CDYL: variants seen among roughly 807,000 people sequenced by gnomAD.
CDYL encodes chromodomain Y like, also known as chromodomain Y-like protein.
In CDYL, 8 loss-of-function variants were observed where a neutral mutation model predicts 47.3. The ratio of observed to expected loss-of-function variants is 0.17; its 90% CI spans 0.10 to 0.31. The LOEUF is 0.31. Ranked by LOEUF, CDYL falls within the 10% of genes least tolerant of loss-of-function variation. The pLI is 1.00. For synonymous variants in CDYL, 266 were observed against 265.0 expected, an observed-to-expected ratio of 1.00 and a Z score of -0.04; for missense variants, 471 against 701.4, an observed-to-expected ratio of 0.67 and a Z score of 3.71.
chr6:4,864,690 C>T (rs546549053), intron 1 of CDYL, among the ~76,000 whole-genome samples: 1 of 152,238 alleles, frequency 6.6e-6, no homozygotes, highest in African/African-American at 2.4e-5. Flanking sequence ...TGGGTTTCTG[C>T]TTTTGCTGCT....
intron 2 of CDYL, among the ~76,000 whole-genome samples, chr6:4,907,580 G>T (rs1757279106): frequency 6.6e-6 from 1 of 152,030 alleles, no homozygotes; most frequent in African/African-American, 2.4e-5. Context: ...ATGGGGTTTT[G>T]CCCAGGCTAG....
intron 1 of CDYL, chr6:4,715,657 TG>T: frequency 7.6e-7 from 1 of 1,324,136 alleles, no homozygotes; most frequent in Non-Finnish European, 1.0e-6. Flanking sequence ...AATGTAGAAC[TG>T]GTGAAAGTCA....
intron 3 of CDYL, among the ~76,000 whole-genome samples, chr6:4,769,179 G>A (rs1229539629): frequency 2.6e-5 from 4 of 152,156 alleles, no homozygotes; most frequent in African/African-American, 9.7e-5. Context: ...AATAAAGCGT[G>A]TATTTTAGTT....
At chr6:4,831,884 A>G (rs373202646) in intron 1 of CDYL, among the ~76,000 whole-genome samples, 92 of 151,934 alleles carry the variant, frequency 6.1e-4, no homozygotes, top group Non-Finnish European at 5.7e-4. Context: ...TTTGTCTGTT[A>G]TTGGTGTATA....
At chr6:4,768,482 C>T (rs1758289171) in intron 3 of CDYL, among the ~76,000 whole-genome samples, 1 of 151,928 alleles carries the variant, frequency 6.6e-6, no homozygotes, top group Non-Finnish European at 1.5e-5. Context: ...TGAAAGAGCT[C>T]CCGGTGGCCA....
intron 1 of CDYL, among the ~76,000 whole-genome samples, chr6:4,873,758 T>C (rs1200797676): frequency 6.6e-6 from 1 of 152,224 alleles, no homozygotes; most frequent in East Asian, 1.9e-4. Context: ...AAATGAAGTT[T>C]AGCATTCCTG....
intron 1 of CDYL, among the ~76,000 whole-genome samples, chr6:4,840,434 A>G (rs763501609): frequency 2.0e-5 from 3 of 152,072 alleles, no homozygotes; most frequent in Non-Finnish European, 2.9e-5. Flanking sequence ...TATGACTTGC[A>G]GTATGTTGAA....
chr6:4,842,038 TTATATATATTATATTAA>T (rs1473470606), intron 1 of CDYL, among the ~76,000 whole-genome samples: 3 of 144,900 alleles, frequency 2.1e-5, no homozygotes, highest in African/African-American at 5.0e-5. Context: ...AATATATAAT[TTATATATATTATATTAA>T]TATTCATATT....
intron 2 of CDYL, among the ~76,000 whole-genome samples, chr6:4,932,332 A>T (rs4960051): frequency 0.97 from 147,777 of 152,284 alleles, 71,868 homozygotes; most frequent in East Asian, 1. Context: ...ACCTTTCTGC[A>T]GCATCATCAC....
At chr6:4,742,042 GAC>G (rs1013023616) in intron 3 of CDYL, among the ~76,000 whole-genome samples, 2 of 152,116 alleles carry the variant, frequency 1.3e-5, no homozygotes, top group Admixed American at 6.6e-5. Context: ...AAAATAAGCA[GAC>G]ACACAGAAAA....
intron 2 of CDYL, among the ~76,000 whole-genome samples, chr6:4,933,794 T>A (rs1581275673): frequency 6.6e-6 from 1 of 152,206 alleles, no homozygotes; most frequent in South Asian, 2.1e-4. Context: ...TGTAGAGATT[T>A]GACAGCACTG....
rs1163974168 is a variant in CDYL, at chr6:4,830,753, C to T, written c.24+53946C>T. Among the ~76,000 whole-genome samples the T allele has an allele frequency of 1.5e-4, 16 of 109,888 alleles. No individual in the cohort carries two copies. The Admixed American group carries it at 1.8e-3, about 12-fold the overall frequency. 72.1% of individuals were successfully genotyped at this position (109,888 alleles called of 152,430 possible). A position where few individuals can be genotyped will look rare whatever the true frequency, so the allele number is the denominator to read the frequency against. On this transcript the variant is annotated intron_variant, in intron 1 of 6. Coordinates refer to ENST00000397588, the MANE Select transcript of CDYL (RefSeq NM_004824.4). ...TATCTCCCAATGCTATCCCTCCCCC[C>T]TCCCCCCACCCCACAACAGGCCCCA...
At chr6:4,754,030 G>A (rs1286566396) in intron 3 of CDYL, among the ~76,000 whole-genome samples, 1 of 152,048 alleles carries the variant, frequency 6.6e-6, no homozygotes, top group Non-Finnish European at 1.5e-5. Flanking sequence ...AGCTACTTGG[G>A]AGGCTGAGGT....
intron 1 of CDYL, among the ~76,000 whole-genome samples, chr6:4,786,907 C>T (rs184106646): frequency 9.2e-5 from 14 of 152,340 alleles, no homozygotes; most frequent in Admixed American, 7.2e-4. Context: ...TCTGCCAGGT[C>T]CCTCGAGTTG....
At chr6:4,730,022 T>C (rs1461182274) in intron 2 of CDYL, among the ~76,000 whole-genome samples, 1 of 152,168 alleles carries the variant, frequency 6.6e-6, no homozygotes, top group Non-Finnish European at 1.5e-5. Flanking sequence ...AGAAATATAT[T>C]TTTTCTGATG....
intron 2 of CDYL, among the ~76,000 whole-genome samples, chr6:4,901,963 C>T (rs1489298828): frequency 1.3e-5 from 2 of 152,178 alleles, no homozygotes; most frequent in African/African-American, 4.8e-5. Flanking sequence ...GCCACCCTGA[C>T]CTCTCAGCTG....
upstream of CDYL, among the ~76,000 whole-genome samples, chr6:4,774,971 T>A (rs1758398054): frequency 1.3e-5 from 2 of 152,154 alleles, no homozygotes; most frequent in African/African-American, 2.4e-5. Flanking sequence ...AGGGTTGGCG[T>A]GGTGCTTGTT....
At chr6:4,843,978 G>A (rs1400202664) in intron 1 of CDYL, among the ~76,000 whole-genome samples, 1 of 152,134 alleles carries the variant, frequency 6.6e-6, no homozygotes, top group Non-Finnish European at 1.5e-5. Context: ...AAGATCTGGG[G>A]CCCAAAGGCT....
chr6:4,713,542 T>C (rs953153594), intron 1 of CDYL, among the ~76,000 whole-genome samples: 15 of 151,820 alleles, frequency 9.9e-5, no homozygotes, highest in African/African-American at 3.2e-4. Context: ...CAGTATGACT[T>C]AATTAAAAAC....
Sources: allele counts gnomAD v4.1 joint callset (sites outside exome capture counted in the v4.1 genomes callset), GRCh38; gene constraint gnomAD v4.1.1; transcripts MANE v1.5; gene names NCBI Gene and HGNC (gene_info 2026-07-23, HGNC 2026-07-21).